AKAP19: variants seen among roughly 807,000 people sequenced by gnomAD.
AKAP19 encodes the protein small A-kinase anchoring protein.
At chr2:189,976,527 T>G in the AKAP19 span, among the ~76,000 whole-genome samples, 1 of 152,256 alleles carries the variant, frequency 6.6e-6, no homozygotes, top group South Asian at 2.1e-4. Context: ...CATTTAAGTC[T>G]GCAGAGGTTT....
At chr2:190,091,891 C>T in the AKAP19 span, among the ~76,000 whole-genome samples, 410 of 152,112 alleles carry the variant, frequency 2.7e-3, 2 homozygotes, top group Non-Finnish European at 5.0e-3. Flanking sequence ...CTAAAAATCA[C>T]TCATAATTCC....
the AKAP19 span, among the ~76,000 whole-genome samples, chr2:189,885,881 T>C: frequency 6.6e-6 from 1 of 152,170 alleles, no homozygotes; most frequent in South Asian, 2.1e-4. Flanking sequence ...CAATCTCGGC[T>C]CACTGCAACC....
the AKAP19 span, among the ~76,000 whole-genome samples, chr2:189,996,607 CT>C: frequency 2.4e-4 from 37 of 151,916 alleles, no homozygotes; most frequent in Non-Finnish European, 7.4e-5. Context: ...TCAGAGATTT[CT>C]TCTTGGTTTG....
At chr2:190,185,197 T>C in the AKAP19 span, among the ~76,000 whole-genome samples, 100 of 152,322 alleles carry the variant, frequency 6.6e-4, no homozygotes, top group Admixed American at 2.2e-3. Flanking sequence ...CTCCTACTTG[T>C]TCTAAAATGA....
chr2:189,962,982 T>C, the AKAP19 span, among the ~76,000 whole-genome samples: 1 of 151,998 alleles, frequency 6.6e-6, no homozygotes, highest in African/African-American at 2.4e-5. Context: ...AAAATTGGAG[T>C]CAATCTTCTC....
chr2:189,888,090 G>T, the AKAP19 span, among the ~76,000 whole-genome samples: 1 of 152,100 alleles, frequency 6.6e-6, no homozygotes, highest in South Asian at 2.1e-4. Flanking sequence ...ATGGTTTTAG[G>T]TCTTATGTTT....
chr2:189,883,009 C>G, the AKAP19 span, among the ~76,000 whole-genome samples: 1 of 151,872 alleles, frequency 6.6e-6, no homozygotes, highest in Non-Finnish European at 1.5e-5. Context: ...GATTTTTGGT[C>G]ACAATTCCTA....
At chr2:190,115,103 G>C in the AKAP19 span, among the ~76,000 whole-genome samples, 338 of 148,036 alleles carry the variant, frequency 2.3e-3, 2 homozygotes, top group African/African-American at 7.9e-3. Flanking sequence ...TGGCTTATGG[G>C]GGGCAGGGGA....
the AKAP19 span, among the ~76,000 whole-genome samples, chr2:189,965,937 T>C: frequency 6.6e-6 from 1 of 151,738 alleles, no homozygotes; most frequent in Admixed American, 6.6e-5. Context: ...AATTGTGGTA[T>C]ATATGTATGT....
At chr2:190,183,275 C>T in the AKAP19 span, among the ~76,000 whole-genome samples, 1 of 152,148 alleles carries the variant, frequency 6.6e-6, no homozygotes, top group Non-Finnish European at 1.5e-5. Flanking sequence ...GGCTGGAAAT[C>T]TAGTTGGCCT....
the AKAP19 span, among the ~76,000 whole-genome samples, chr2:190,160,884 T>C: frequency 1.3e-5 from 2 of 152,192 alleles, no homozygotes; most frequent in Non-Finnish European, 2.9e-5. Context: ...TATTTACATT[T>C]ACGTGAAAGT....
chr2:190,195,083 T>C, the AKAP19 span, among the ~76,000 whole-genome samples: 1 of 152,100 alleles, frequency 6.6e-6, no homozygotes, highest in Non-Finnish European at 1.5e-5. Flanking sequence ...AGGCTGGTCT[T>C]GAACTCCTGG....
the AKAP19 span, among the ~76,000 whole-genome samples, chr2:190,042,847 A>G: frequency 2.0e-5 from 3 of 151,986 alleles, no homozygotes; most frequent in Admixed American, 1.3e-4. Context: ...TTTCTTTTCT[A>G]TATTTATGCT....
chr2:190,071,843 G>A, the AKAP19 span, among the ~76,000 whole-genome samples: 2 of 151,822 alleles, frequency 1.3e-5, no homozygotes, highest in Non-Finnish European at 2.9e-5. Context: ...AGATATACCA[G>A]ACAAATGCTA....
chr2:189,966,377 A>G, the AKAP19 span, among the ~76,000 whole-genome samples: 14 of 152,364 alleles, frequency 9.2e-5, no homozygotes, highest in African/African-American at 3.4e-4. Context: ...TGCTCGATGC[A>G]GGTTTGCAAT....
At chr2:190,132,980 T>C in the AKAP19 span, among the ~76,000 whole-genome samples, 2 of 152,058 alleles carry the variant, frequency 1.3e-5, no homozygotes, top group African/African-American at 2.4e-5. Flanking sequence ...AAAAGGCCTG[T>C]AATCCCAGCA....
the AKAP19 span, among the ~76,000 whole-genome samples, chr2:190,164,639 A>G: frequency 6.6e-6 from 1 of 152,244 alleles, no homozygotes; most frequent in Non-Finnish European, 1.5e-5. Context: ...TCAATCTACC[A>G]TAAATTTTTA....
At chr2:189,917,393 G>T in the AKAP19 span, 1 of 916,718 alleles carries the variant, frequency 1.1e-6, no homozygotes. Flanking sequence ...CCTCATGCCA[G>T]ATCTCAAATT....
the AKAP19 span, among the ~76,000 whole-genome samples, chr2:190,033,870 T>C: frequency 6.6e-6 from 1 of 152,200 alleles, no homozygotes; most frequent in Non-Finnish European, 1.5e-5. Flanking sequence ...CTGCCATTCT[T>C]TTCTAGACCT....
Sources: allele counts gnomAD v4.1 joint callset (sites outside exome capture counted in the v4.1 genomes callset), GRCh38; gene constraint gnomAD v4.1.1; transcripts MANE v1.5; gene names NCBI Gene and HGNC (gene_info 2026-07-23, HGNC 2026-07-21).